FAM107A: variants seen among roughly 807,000 people sequenced by gnomAD.
The protein encoded by FAM107A is family with sequence similarity 107 member A.
Under a neutral mutation model 13.7 loss-of-function variants are expected in FAM107A, and 19 were observed. The observed-to-expected ratio is 1.38, with a 90% CI of 0.97 to 2.03. The LOEUF (loss-of-function observed/expected upper bound fraction) is 2.03. Among genes scored for constraint, FAM107A ranks in the 30% most tolerant of loss-of-function variants. The pLI is 0.00. For missense variants in FAM107A, 203 were observed against 184.4 expected (o/e 1.10, Z -0.58); for synonymous variants, 82 against 74.5 (o/e 1.10, Z -0.52).
intron 1 of FAM107A, among the ~76,000 whole-genome samples, chr3:58,605,694 CTGGAAG>C (rs2065788569): frequency 6.6e-6 from 1 of 152,170 alleles, no homozygotes. Flanking sequence ...TCTATCATGG[CTGGAAG>C]TGGAAGTCCA....
At chr3:58,572,468 G>C (rs1351303354) in intron 1 of FAM107A, among the ~76,000 whole-genome samples, 1 of 152,174 alleles carries the variant, frequency 6.6e-6, no homozygotes, top group Non-Finnish European at 1.5e-5. Flanking sequence ...TTGGGGCCTA[G>C]GGAACAGCAT....
At chr3:58,583,773 T>C (rs958984950) in intron 1 of FAM107A, among the ~76,000 whole-genome samples, 4 of 152,036 alleles carry the variant, frequency 2.6e-5, no homozygotes, top group Non-Finnish European at 4.4e-5. Context: ...CTCAACTCTC[T>C]GGGCTCAAGT....
At chr3:58,588,050 C>A (rs2065625167), upstream of FAM107A, among the ~76,000 whole-genome samples, 1 of 152,194 alleles carries the variant, frequency 6.6e-6, no homozygotes, top group Non-Finnish European at 1.5e-5. Flanking sequence ...TGTCTGCTAT[C>A]TCATTCACTC....
chr3:58,586,772 G>A (rs1450850423), intron 1 of FAM107A: 6 of 1,322,770 alleles, frequency 4.5e-6, no homozygotes, highest in Non-Finnish European at 4.9e-6. Flanking sequence ...GCGCCCAGCG[G>A]CGGACTGGCC....
intron 1 of FAM107A, among the ~76,000 whole-genome samples, chr3:58,601,144 T>A (rs1365212511): frequency 6.6e-6 from 1 of 152,250 alleles, no homozygotes; most frequent in African/African-American, 2.4e-5. Flanking sequence ...AGGCTCACTT[T>A]TAAGCTTTTA....
intron 1 of FAM107A, chr3:58,570,521 A>C (rs1158585566): frequency 8.6e-6 from 2 of 233,278 alleles, no homozygotes; most frequent in Non-Finnish European, 1.4e-5. Context: ...AAATTCAGAC[A>C]CAAGGGCTCC....
intron 1 of FAM107A, among the ~76,000 whole-genome samples, chr3:58,585,172 G>A (rs1240206243): frequency 6.6e-6 from 1 of 152,196 alleles, no homozygotes; most frequent in African/African-American, 2.4e-5. Context: ...GCTATTCTGC[G>A]TGGGTTGATA....
chr3:58,585,228 C>T (rs1012593534), intron 1 of FAM107A, among the ~76,000 whole-genome samples: 9 of 152,216 alleles, frequency 5.9e-5, no homozygotes, highest in African/African-American at 2.2e-4. Flanking sequence ...TAGGGAGACC[C>T]CCTCCGCAGC....
At chr3:58,609,563 T>TATTAGTAAGTCAACAAAC (rs894428062) in intron 1 of FAM107A, among the ~76,000 whole-genome samples, 3 of 152,174 alleles carry the variant, frequency 2.0e-5, no homozygotes, top group African/African-American at 7.2e-5. Context: ...AGTCAACAAA[T>TATTAGTAAGTCAACAAAC]ATTAGTCAGT....
upstream of FAM107A, chr3:58,577,455 C>A: frequency 1.0e-6 from 1 of 985,402 alleles, no homozygotes; most frequent in African/African-American, 1.7e-5. The surrounding 1 kb of genome is among the most constrained non-coding windows in gnomAD (Gnocchi z 4.9). Context: ...AATGTGCCAA[C>A]AAGTGAGACA....
At chr3:58,581,576 C>A (rs1177295071), upstream of FAM107A, among the ~76,000 whole-genome samples, 1 of 152,132 alleles carries the variant, frequency 6.6e-6, no homozygotes, top group Non-Finnish European at 1.5e-5. Context: ...CAGCCACCCA[C>A]AAAACAGCCC....
In FAM107A at chr3:58,564,952, G is replaced by C. The variant is rs998229849; in HGVS notation, c.*1636C>G. The C allele has an allele frequency of 1.3e-5, 2 of 152,236 alleles. No homozygotes were observed. Among genetic ancestry groups the C allele is most frequent in the Non-Finnish European group, 2.9e-5 (2 of 68,064 alleles). The allele number at this position is 152,236 out of a possible 1,614,324, so 9.4% of individuals were successfully genotyped here. A position where few individuals can be genotyped will look rare whatever the true frequency, so the allele number is the denominator to read the frequency against. ...ACTTCAGTCACCCTCAAACCACCCAGTTATGAGTAAGACCAGAACAATCCC... is the reference window on the plus strand; with the variant it reads ...ACTTCAGTCACCCTCAAACCACCCACTTATGAGTAAGACCAGAACAATCCC... On this transcript the variant is annotated 3_prime_UTR_variant, in exon 4 of 4. Transcript: ENST00000360997. This position sits in a 1 kb window ranked among gnomAD's most constrained non-coding sequence, Gnocchi z 5.6.
rs140353181 is a variant in FAM107A at position 58,604,008 on chromosome 3, G to T, written c.-69-14739C>A. On this transcript the variant is annotated intron_variant, in intron 1 of 3. Coordinates refer to the FAM107A transcript ENST00000465970. The surrounding 1 kb of genome is among the most constrained non-coding windows in gnomAD (Gnocchi z 4.1). ...CACCAAAAGGAAAGAGGTTGAGGCC[G>T]TGGGTGGAAGCCCTCCCAATAGCCC... 6.6e-6 allele frequency among the ~76,000 whole-genome samples: 1 copy of T among 152,136 alleles called. No individual in the cohort carries two copies. Among genetic ancestry groups the T allele is most frequent in the African/African-American group, 2.4e-5 (1 of 41,428 alleles).
At chr3:58,614,836 T>G (rs1489838077) in intron 1 of FAM107A, among the ~76,000 whole-genome samples, 10 of 149,194 alleles carry the variant, frequency 6.7e-5, no homozygotes, top group Non-Finnish European at 1.5e-4. Context: ...ATTAACTCAC[T>G]CTGTTGCCCA....
chr3:58,591,088 G>A (rs1227451856), upstream of FAM107A, among the ~76,000 whole-genome samples: 1 of 152,184 alleles, frequency 6.6e-6, no homozygotes, highest in Non-Finnish European at 1.5e-5. The surrounding 1 kb of genome is among the most constrained non-coding windows in gnomAD (Gnocchi z 4.3). Flanking sequence ...CACAACAAAG[G>A]CCTCTGTTCT....
chr3:58,601,345 C>G (rs1293847986), intron 1 of FAM107A, among the ~76,000 whole-genome samples: 1 of 152,202 alleles, frequency 6.6e-6, no homozygotes, highest in African/African-American at 2.4e-5. Flanking sequence ...CTTCTATAAA[C>G]ATCTAGAATG....
intron 1 of FAM107A, among the ~76,000 whole-genome samples, chr3:58,614,112 C>A (rs116207850): frequency 2.0e-5 from 3 of 152,202 alleles, no homozygotes; most frequent in Admixed American, 6.5e-5. Flanking sequence ...AGCCCGTAGC[C>A]ATTTCAGGGT....
intron 1 of FAM107A, among the ~76,000 whole-genome samples, chr3:58,619,126 G>T (rs1323370363): frequency 1.3e-5 from 2 of 152,038 alleles, no homozygotes; most frequent in East Asian, 3.9e-4. Flanking sequence ...TCAGCCTCCT[G>T]AGTAGCTGGG....
chr3:58,608,485 A>T (rs999962755), intron 1 of FAM107A, among the ~76,000 whole-genome samples: 15 of 152,188 alleles, frequency 9.9e-5, no homozygotes, highest in African/African-American at 3.6e-4. Flanking sequence ...AATAACAGCA[A>T]CAGCAACAAT....
Sources: gnomAD v4.1 joint callset for allele counts (sites outside exome capture counted in the v4.1 genomes callset) on GRCh38, gnomAD v4.1.1 for gene constraint, Gnocchi (gnomAD v3.1) non-coding constraint, MANE v1.5 for transcripts, NCBI Gene and HGNC (gene_info 2026-07-23, HGNC 2026-07-21) for gene names.